Variants in KATNA1 observed in about 807,000 individuals in gnomAD.
KATNA1 encodes katanin catalytic subunit A1.
A neutral mutation model predicts 62.6 loss-of-function variants in KATNA1; 42 were observed. The ratio of observed to expected loss-of-function variants is 0.67; its 90% confidence interval spans 0.52 to 0.87. KATNA1 has a LOEUF of 0.87. Ranked by LOEUF, KATNA1 falls within the 40% of genes least tolerant of loss-of-function variation. The pLI is 0.00. For synonymous variants in KATNA1, 186 were observed against 201.9 expected (o/e 0.92, Z 0.67); for missense variants, 498 against 612.5 (o/e 0.81, Z 1.97).
chr6:149,630,745 G>A (rs1232014037), intron 3 of KATNA1, among the ~76,000 whole-genome samples: 1 of 152,126 alleles, frequency 6.6e-6, no homozygotes, highest in Admixed American at 6.5e-5. Context: ...ATGGACCACC[G>A]ACATCAGAAT....
At chr6:149,627,826 GA>G (rs1202371180) in intron 3 of KATNA1, among the ~76,000 whole-genome samples, 1 of 151,942 alleles carries the variant, frequency 6.6e-6, no homozygotes, top group Non-Finnish European at 1.5e-5. Flanking sequence ...GGAGCTGAGG[GA>G]AAGGCAGGTG....
At chr6:149,606,616 C>CT (rs900353338) in intron 4 of KATNA1, among the ~76,000 whole-genome samples, 2,452 of 136,414 alleles carry the variant, frequency 0.018, 38 homozygotes, top group African/African-American at 0.021. Flanking sequence ...AACTGTGTAA[C>CT]TTTTTTTTTT....
intron 2 of KATNA1, among the ~76,000 whole-genome samples, chr6:149,636,508 T>C (rs993711030): frequency 2.0e-5 from 3 of 152,036 alleles, no homozygotes; most frequent in African/African-American, 7.2e-5. Context: ...TATAGGAAAA[T>C]AGATGAAGTT....
At chr6:149,616,602 A>C (rs1779174556) in intron 4 of KATNA1, among the ~76,000 whole-genome samples, 1 of 152,136 alleles carries the variant, frequency 6.6e-6, no homozygotes, top group Non-Finnish European at 1.5e-5. Flanking sequence ...TCTACTAAAA[A>C]AATTAGTCGG....
intron 7 of KATNA1, among the ~76,000 whole-genome samples, chr6:149,598,736 GGAAA>G (rs1008663494): frequency 3.2e-5 from 4 of 126,376 alleles, no homozygotes; most frequent in Admixed American, 1.9e-4. Context: ...TAAAACAAGA[GGAAA>G]GAAAGAAAAC....
chr6:149,618,408 G>A (rs1211844142), intron 4 of KATNA1, among the ~76,000 whole-genome samples: 1 of 151,932 alleles, frequency 6.6e-6, no homozygotes, highest in Non-Finnish European at 1.5e-5. Context: ...AATCCGGGAG[G>A]TGGAGGTTGC....
At chr6:149,621,620 G>A (rs540839757) in intron 4 of KATNA1, among the ~76,000 whole-genome samples, 7 of 151,848 alleles carry the variant, frequency 4.6e-5, no homozygotes, top group African/African-American at 7.2e-5. Flanking sequence ...AGCCTCCCCA[G>A]TAGCTGGGAT....
In KATNA1 at chr6:149,644,276, T is replaced by C. The variant is rs187785672; in HGVS notation, c.-14+4193A>G. 6.7e-3 allele frequency among the ~76,000 whole-genome samples: 1,022 copies of C among 152,080 alleles called. 12 individuals are homozygous for C. Among genetic ancestry groups the C allele is most frequent in the African/African-American group, 0.023 (966 of 41,484 alleles). Reference sequence around the variant, plus strand: ...TTTGACATGAAAGCCTCTCTCCCTCTTTTCCTTAATAGTCTCCCTGGAGAT... The same window carrying C: ...TTTGACATGAAAGCCTCTCTCCCTCCTTTCCTTAATAGTCTCCCTGGAGAT... On this transcript the variant is annotated intron_variant, in intron 1 of 10. Coordinates refer to ENST00000367411, the MANE Select transcript of KATNA1 (RefSeq NM_007044.4).
At chr6:149,639,561 A>G (rs1353351714) in intron 1 of KATNA1, among the ~76,000 whole-genome samples, 2 of 151,988 alleles carry the variant, frequency 1.3e-5, no homozygotes, top group African/African-American at 4.8e-5. Context: ...ATCGCACCAC[A>G]GCACTCCAGC....
intron 10 of KATNA1, 36 bp from the exon 11 acceptor site, chr6:149,595,270 A>G: frequency 6.4e-7 from 1 of 1,551,924 alleles, no homozygotes; most frequent in Non-Finnish European, 8.8e-7. Context: ...CAACACACAC[A>G]ATGTTACTTT....
intron 4 of KATNA1, among the ~76,000 whole-genome samples, chr6:149,613,807 T>C (rs945272359): frequency 6.6e-6 from 1 of 152,218 alleles, no homozygotes; most frequent in Non-Finnish European, 1.5e-5. Flanking sequence ...TGAAACTCAG[T>C]AGCTAATGTG....
In KATNA1 at chr6:149,638,429, A is replaced by G. The variant is rs763724237; in HGVS notation, c.119T>C (p.Leu40Pro). The G allele has an allele frequency of 1.2e-6, 2 of 1,614,122 alleles. No individual in the cohort carries two copies. Among genetic ancestry groups the G allele is most frequent in the South Asian group, 1.1e-5 (1 of 91,076 alleles). Residue 40 changes from leucine (L) to proline (P), a missense_variant, in exon 2 of 11, where the codon CTG becomes CCG. By Grantham distance (98) the Leu-to-Pro change is moderately conservative. Around this residue, in one of 3 missense-constraint regions of KATNA1, gnomAD observed 203 missense variants for 198.4 expected, o/e 1.02. Coordinates refer to ENST00000367411, the MANE Select transcript of KATNA1 (RefSeq NM_007044.4). ...QGVLDQMNKY[L>P]YSVKDTYLQQ... Reference sequence around the variant, plus strand: ...GAGGTATGTATCTTTGACTGAGTACAGATACTTGTTCATTTGGTCAAGAAC... The same window carrying G: ...GAGGTATGTATCTTTGACTGAGTACGGATACTTGTTCATTTGGTCAAGAAC...
intron 3 of KATNA1, among the ~76,000 whole-genome samples, chr6:149,632,361 G>A (rs530361980): frequency 7.0e-6 from 1 of 142,420 alleles, no homozygotes; most frequent in Non-Finnish European, 1.5e-5. Flanking sequence ...GTGACAGAGT[G>A]AGACTCTGTC....
At chr6:149,639,261 T>C (rs953587234) in intron 1 of KATNA1, among the ~76,000 whole-genome samples, 10 of 151,224 alleles carry the variant, frequency 6.6e-5, no homozygotes, top group African/African-American at 9.7e-5. Context: ...ATCGTGCCAC[T>C]GTACTCCAGC....
At chr6:149,618,492 A>T (rs73006854) in intron 4 of KATNA1, among the ~76,000 whole-genome samples, 23,859 of 152,126 alleles carry the variant, frequency 0.16, 2,173 homozygotes, top group Non-Finnish European at 0.2. Context: ...AAAAAATAAA[A>T]AAAAGAAATA....
intron 4 of KATNA1, among the ~76,000 whole-genome samples, chr6:149,621,532 G>C (rs773720737): frequency 1.4e-5 from 2 of 147,364 alleles, no homozygotes; most frequent in Non-Finnish European, 3.0e-5. Context: ...TCGCTCTGTT[G>C]GTCAGGCTAG....
At chr6:149,598,097 A>C (rs767111187) in intron 8 of KATNA1, 127 bp downstream of exon 8, 1 of 1,006,000 alleles carries the variant, frequency 9.9e-7, no homozygotes, top group South Asian at 1.6e-5. Flanking sequence ...CCTCTAGTCC[A>C]TCTGAAGTTA....
In KATNA1 at chr6:149,604,697, T is replaced by C; in HGVS notation, c.587A>G (p.Glu196Gly). Residue 196 changes from glutamate (E) to glycine (G), a missense_variant, in exon 5 of 11, where the codon GAA (glutamate) becomes GGA (glycine). Transcript: ENST00000367411. ...GYDKDLVEALERDIISQNPNV... is the reference protein window; with the variant it reads ...GYDKDLVEALGRDIISQNPNV... ...GGGATTCTGGGAAATTATATCTCTT[T>C]CCAAAGCTTCTACTAAGTCTTTATC... The C allele has an allele frequency of 6.2e-7, 1 of 1,613,402 alleles. No individual in the cohort carries two copies. The highest frequency in any genetic ancestry group is 8.5e-7 in the Non-Finnish European group (1 of 1,179,318).
At chr6:149,637,733 C>G (rs1338236075) in intron 2 of KATNA1, among the ~76,000 whole-genome samples, 1 of 151,876 alleles carries the variant, frequency 6.6e-6, no homozygotes, top group African/African-American at 2.4e-5. Context: ...AGGCTTGAAC[C>G]TGGGAGGTGA....
Sources: allele counts gnomAD v4.1 joint callset (sites outside exome capture counted in the v4.1 genomes callset), GRCh38; gene constraint gnomAD v4.1.1; regional missense constraint gnomAD v4.1.1; transcripts MANE v1.5; gene names NCBI Gene and HGNC (gene_info 2026-07-23, HGNC 2026-07-21).